The following GALNT2 variants were observed in gnomAD, a reference collection of about 807,000 sequenced individuals.
The protein encoded by GALNT2 is polypeptide N-acetylgalactosaminyltransferase 2, also known as UDP-GalNAc:polypeptide N-acetylgalactosaminyltransferase 2.
A neutral mutation model predicts 81.4 loss-of-function variants in GALNT2; 31 were observed. The ratio of observed to expected loss-of-function variants is 0.38; its 90% CI spans 0.29 to 0.51. GALNT2 has a LOEUF of 0.51. Ranked by LOEUF, GALNT2 falls within the 20% of genes least tolerant of loss-of-function variation. GALNT2 has a pLI of 0.87. For synonymous variants in GALNT2, 303 were observed against 287.4 expected (o/e 1.05, Z -0.55); for missense variants, 629 against 765.7 (o/e 0.82, Z 2.11).
rs751515152 is a variant in GALNT2, at chr1:230,262,616, A to G, written c.1180A>G (p.Asn394Asp). The change falls in exon 12 of 16, where the codon AAT becomes GAT. Residue 394 changes from asparagine (N) to aspartate (D), a missense_variant. Physicochemically the swap from Asn to Asp is conservative, Grantham distance 23 (BLOSUM62 1). This residue lies in a region of GALNT2 where 207 missense variants were observed against 225.5 expected (regional missense o/e 0.92). Coordinates refer to ENST00000366672, the MANE Select transcript of GALNT2 (RefSeq NM_004481.5). ...AGAGGTCTGGATGGATGAATACAAA[A>G]ATTTCTATTATGCAGCAGTGCCTTC... Reference protein sequence around the residue: ...AAEVWMDEYKNFYYAAVPSAR... With the variant: ...AAEVWMDEYKDFYYAAVPSAR... 4 of 1,614,122 alleles carry G rather than the reference A, an allele frequency of 2.5e-6. No individual in the cohort carries two copies. In the Admixed American group the frequency reaches 6.7e-5, roughly 27 times the overall value.
Position 230,243,188 on chromosome 1 carries a change from T to C in GALNT2, c.608-118T>C, listed in dbSNP as rs1665250963. 7.5e-7 allele frequency: 1 copy of C among 1,336,492 alleles called. No homozygotes were observed. The highest frequency in any genetic ancestry group is 1.5e-5 in the African/African-American group (1 of 67,482). The allele number at this position is 1,336,492 out of a possible 1,614,324, so 82.8% of individuals were successfully genotyped here. A position where few individuals can be genotyped will look rare whatever the true frequency, so the allele number is the denominator to read the frequency against. ...CTCATCCAGCAAGTTTACAGTAATG[T>C]CCGTGCCCAGAAAGCAGGCTGCAGA... On this transcript the variant is annotated intron_variant, in intron 6 of 15. Transcript: ENST00000366672. This position sits in a 1 kb window ranked among gnomAD's most constrained non-coding sequence, Gnocchi z 4.2.
chr1:230,117,560 G>A (rs1464299777), intron 1 of GALNT2, among the ~76,000 whole-genome samples: 6 of 152,184 alleles, frequency 3.9e-5, no homozygotes, highest in Non-Finnish European at 7.3e-5. Flanking sequence ...GTATCGCAGG[G>A]AATAGGGAGG....
chr1:230,073,898 A>AGG (rs1659448950), intron 1 of GALNT2, among the ~76,000 whole-genome samples: 3 of 151,608 alleles, frequency 2.0e-5, no homozygotes, highest in Non-Finnish European at 4.4e-5. Context: ...TCTGCTGACC[A>AGG]CCTCCTCCTG....
At chr1:230,109,695 G>A (rs1660646738) in intron 1 of GALNT2, among the ~76,000 whole-genome samples, 1 of 152,180 alleles carries the variant, frequency 6.6e-6, no homozygotes, top group Non-Finnish European at 1.5e-5. Flanking sequence ...GGGCGTGGTG[G>A]CAGGTGCCTG....
At chr1:230,197,931 G>A (rs868440556) in intron 2 of GALNT2, among the ~76,000 whole-genome samples, 2 of 152,180 alleles carry the variant, frequency 1.3e-5, no homozygotes, top group Admixed American at 1.3e-4. Context: ...AGGCAGGCTC[G>A]GGAGGGCTGA....
chr1:230,273,936 T>C (rs1666216559), intron 14 of GALNT2, among the ~76,000 whole-genome samples: 1 of 152,246 alleles, frequency 6.6e-6, no homozygotes, highest in Admixed American at 6.5e-5. Context: ...TAGGAGGCTA[T>C]ACACGATATA....
intron 1 of GALNT2, among the ~76,000 whole-genome samples, chr1:230,119,935 G>C (rs1160749741): frequency 6.6e-6 from 1 of 152,110 alleles, no homozygotes; most frequent in Non-Finnish European, 1.5e-5. Flanking sequence ...GCTGTATACT[G>C]TGGTAAGATT....
rs186234093 is a variant in GALNT2 at position 230,108,536 on chromosome 1, T to A, written c.126+41130T>A. Among the ~76,000 whole-genome samples, 23 of 152,338 alleles carry A rather than the reference T, an allele frequency of 1.5e-4. No homozygotes were observed. In the East Asian group the frequency reaches 4.2e-3, roughly 28 times the overall value. ...CCATCCCTGATGGGATATATAAGGA[T>A]GAGATTTATGCACAGATGTTCCTCA... On this transcript the variant is annotated intron_variant, in intron 1 of 15. Transcript: ENST00000366672.
intron 6 of GALNT2, among the ~76,000 whole-genome samples, chr1:230,242,446 C>T (rs1353746857): frequency 3.3e-5 from 5 of 152,222 alleles, no homozygotes; most frequent in Non-Finnish European, 7.3e-5. Context: ...ATAGTTGCAT[C>T]ATCTTCACAT....
rs755087698 is a variant in GALNT2 at position 230,275,962 on chromosome 1, A to G, written c.1560+1398A>G. 7.5e-4 allele frequency among the ~76,000 whole-genome samples: 59 copies of G among 78,990 alleles called. No individual in the cohort carries two copies. The highest frequency in any genetic ancestry group is 2.1e-4 in the Non-Finnish European group (8 of 38,744). The allele number at this position is 78,990 out of a possible 152,430, so 51.8% of individuals were successfully genotyped here. ...ACATGCCACATATATATACGTATATATACATGCCACATATATATACGTATA... is the reference window on the plus strand; with the variant it reads ...ACATGCCACATATATATACGTATATGTACATGCCACATATATATACGTATA... On this transcript the variant is annotated intron_variant, in intron 15 of 15. Coordinates refer to ENST00000366672, the MANE Select transcript of GALNT2 (RefSeq NM_004481.5). The surrounding 1 kb of genome is among the most constrained non-coding windows in gnomAD (Gnocchi z 5.5).
At chr1:230,248,262 C>T (rs1665436758) in intron 8 of GALNT2, among the ~76,000 whole-genome samples, 2 of 152,236 alleles carry the variant, frequency 1.3e-5, no homozygotes, top group Admixed American at 1.3e-4. Context: ...TTAGGCATTG[C>T]AAAAGCCCTG....
chr1:230,089,803 C>T (rs1339559993), intron 1 of GALNT2, among the ~76,000 whole-genome samples: 1 of 152,216 alleles, frequency 6.6e-6, no homozygotes, highest in Non-Finnish European at 1.5e-5. Flanking sequence ...TGTGTTTATA[C>T]ATTACGCTGC....
rs112403150 is a variant in GALNT2 at position 230,070,164 on chromosome 1, C to T, written c.126+2758C>T. Among the ~76,000 whole-genome samples, 8 of 152,300 alleles carry T rather than the reference C, an allele frequency of 5.3e-5. No homozygotes were observed. The highest frequency in any genetic ancestry group is 4.6e-4 in the Admixed American group (7 of 15,302). ...TGCCGCACAACTCGGGACTCAACAC[C>T]CAGGCTCAGGACATGTATGTTAAAG... is the stretch of plus-strand genomic sequence containing the variant. On this transcript the variant is annotated intron_variant, in intron 1 of 15. Coordinates refer to ENST00000366672, the MANE Select transcript of GALNT2 (RefSeq NM_004481.5). The surrounding 1 kb of genome is among the most constrained non-coding windows in gnomAD (Gnocchi z 4.7).
chr1:230,253,827 C>T (rs1046385263), intron 10 of GALNT2, among the ~76,000 whole-genome samples: 1 of 152,178 alleles, frequency 6.6e-6, no homozygotes, highest in Non-Finnish European at 1.5e-5. Flanking sequence ...ATCCCTACTC[C>T]TTCCTTCCCA....
At chr1:230,144,410 C>T (rs1661847163) in intron 1 of GALNT2, among the ~76,000 whole-genome samples, 1 of 152,222 alleles carries the variant, frequency 6.6e-6, no homozygotes, top group Non-Finnish European at 1.5e-5. Flanking sequence ...GCGTCACCCG[C>T]AGCACCAAAT....
chr1:230,223,344 A>T (rs1353657177), intron 3 of GALNT2, among the ~76,000 whole-genome samples: 1 of 148,762 alleles, frequency 6.7e-6, no homozygotes. Context: ...TATCTTACTG[A>T]TTTTTTTTCT....
chr1:230,075,694 G>A (rs182937649), intron 1 of GALNT2, among the ~76,000 whole-genome samples: 4 of 152,296 alleles, frequency 2.6e-5, no homozygotes, highest in East Asian at 1.9e-4. Context: ...GGGGGGCTGC[G>A]GGGAGCCAGA....
Position 230,157,092 on chromosome 1 carries a change from C to A in GALNT2, c.127-21126C>A, listed in dbSNP as rs528545398. 1.5e-4 allele frequency among the ~76,000 whole-genome samples: 23 copies of A among 152,296 alleles called. No individual in the cohort carries two copies. The South Asian group carries it at 2.5e-3, about 17-fold the overall frequency. On this transcript the variant is annotated intron_variant, in intron 1 of 15. Transcript: ENST00000366672. ...ATCCCAGGAGGGCTCTCATTTAAGG[C>A]CTCGTGTACTGTGGTCATTTGACCT...
intron 3 of GALNT2, 58 bp downstream of exon 3, chr1:230,203,348 G>T: frequency 6.3e-7 from 1 of 1,575,874 alleles, no homozygotes. Flanking sequence ...AAACCAGTAC[G>T]TCGCTTTCAC....
Sources: allele counts gnomAD v4.1 joint callset (sites outside exome capture counted in the v4.1 genomes callset), GRCh38; gene constraint gnomAD v4.1.1; regional missense constraint gnomAD v4.1.1; non-coding constraint Gnocchi (gnomAD v3.1); transcripts MANE v1.5; gene names NCBI Gene and HGNC (gene_info 2026-07-23, HGNC 2026-07-21).